ZDHHC8: variants seen among roughly 807,000 people sequenced by gnomAD.
ZDHHC8 encodes palmitoyltransferase ZDHHC8.
In ZDHHC8, 24 loss-of-function variants were observed where a neutral mutation model predicts 61.2. The ratio of observed to expected loss-of-function variants is 0.39; its 90% CI spans 0.28 to 0.55. ZDHHC8 has a LOEUF of 0.55. Among genes scored for constraint, ZDHHC8 ranks in the 20% least tolerant of loss-of-function variants. ZDHHC8 has a pLI of 0.60. For missense variants in ZDHHC8, 935 were observed against 1,102.1 expected, an observed-to-expected ratio of 0.85 and a Z score of 2.15; for synonymous variants, 523 against 492.5, an observed-to-expected ratio of 1.06 and a Z score of -0.82.
chr22:20,143,360 G>T lies in ZDHHC8; in HGVS notation c.1730G>T (p.Gly577Val). The T allele has an allele frequency of 1.3e-6, 2 of 1,585,458 alleles. No homozygotes were observed. The highest frequency in any genetic ancestry group is 1.7e-6 in the Non-Finnish European group (2 of 1,169,264). ...GCCGACTCACTCTTCGGCGACTCAG[G>T]CGTCTATGACGCTCCCAGCTCCTAC... ...SQADSLFGDS[G>V]VYDAPSSYSL... Residue 577 changes from glycine (G) to valine (V), a missense_variant, in exon 10 of 11, where the codon GGC becomes GTC. This residue lies in a region of ZDHHC8 where 692 missense variants were observed against 731.4 expected (regional missense o/e 0.95). Transcript: ENST00000334554.
chr22:20,146,064 T>C lies in ZDHHC8; in HGVS notation c.*664T>C. On this transcript the variant is annotated 3_prime_UTR_variant, in exon 11 of 11. Transcript: ENST00000334554. Reference sequence around the variant, plus strand: ...TGCTGTGCTGCCGCGCCGTGTCTGATGTGTCAGTGCTCCGGCCGCCGCTGT... The same window carrying C: ...TGCTGTGCTGCCGCGCCGTGTCTGACGTGTCAGTGCTCCGGCCGCCGCTGT... 1.0e-6 allele frequency: 1 copy of C among 985,828 alleles called. No homozygotes were observed. Among genetic ancestry groups the C allele is most frequent in the Non-Finnish European group, 1.2e-6 (1 of 829,988 alleles). The allele number at this position is 985,828 out of a possible 1,614,324, so 61.1% of individuals were successfully genotyped here.
rs1196107019 is a variant in ZDHHC8, at chr22:20,141,402, C to T, written c.1016-19C>T. Reference sequence around the variant, plus strand: ...TGACCCTCCTCTGACCTCAGTCTGACAGTGGTCTGCATCCCCAGAGAGTGC... The same window carrying T: ...TGACCCTCCTCTGACCTCAGTCTGATAGTGGTCTGCATCCCCAGAGAGTGC... On this transcript the variant is annotated intron_variant, in intron 8 of 10. Coordinates refer to ENST00000334554, the MANE Select transcript of ZDHHC8 (RefSeq NM_013373.4). 5 of 1,612,366 alleles carry T rather than the reference C, an allele frequency of 3.1e-6. No homozygotes were observed. Among genetic ancestry groups the T allele is most frequent in the Non-Finnish European group, 4.2e-6 (5 of 1,179,454 alleles).
chr22:20,146,829 C>T lies in ZDHHC8; in HGVS notation c.*1429C>T, dbSNP rs1483902688. 4 of 1,246,588 alleles carry T rather than the reference C, an allele frequency of 3.2e-6. No individual in the cohort carries two copies. The African/African-American group carries it at 6.2e-5, about 19-fold the overall frequency. 77.2% of individuals were successfully genotyped at this position (1,246,588 alleles called of 1,614,324 possible). A position where few individuals can be genotyped will look rare whatever the true frequency, so the allele number is the denominator to read the frequency against. On this transcript the variant is annotated 3_prime_UTR_variant, in exon 11 of 11. Coordinates refer to ENST00000334554, the MANE Select transcript of ZDHHC8 (RefSeq NM_013373.4). Reference sequence around the variant, plus strand: ...TTGGCTCAGGGCCCTGTGGGGGCCGCTGAACCTGCTGGAACTCTCCTGCCT... The same window carrying T: ...TTGGCTCAGGGCCCTGTGGGGGCCGTTGAACCTGCTGGAACTCTCCTGCCT...
rs573110410 is a variant in ZDHHC8, at chr22:20,143,338, G to A, written c.1708G>A (p.Asp570Asn). ...ERERLLRSQA[D>N]SLFGDSGVYD... ...TGAGCGCCTGCTGCGCTCCCAGGCCGACTCACTCTTCGGCGACTCAGGCGT... is the reference window on the plus strand; with the variant it reads ...TGAGCGCCTGCTGCGCTCCCAGGCCAACTCACTCTTCGGCGACTCAGGCGT... The change falls in exon 10 of 11, where the codon GAC becomes AAC. Residue 570 changes from aspartate to asparagine, a missense_variant. Transcript: ENST00000334554. 4 of 1,589,294 alleles carry A rather than the reference G, an allele frequency of 2.5e-6. No homozygotes were observed. Among genetic ancestry groups the A allele is most frequent in the African/African-American group, 1.3e-5 (1 of 74,602 alleles).
In ZDHHC8 at chr22:20,142,772, C is replaced by T. The variant is rs1461446029; in HGVS notation, c.1142C>T (p.Ser381Phe). The change falls in exon 10 of 11, where the codon TCC (serine) becomes TTC (phenylalanine). Residue 381 changes from serine (S) to phenylalanine (F), a missense_variant. Physicochemically the swap from Ser to Phe is radical, Grantham distance 155 (BLOSUM62 -2). This residue lies in a region of ZDHHC8 where 692 missense variants were observed against 731.4 expected (regional missense o/e 0.95). Coordinates refer to ENST00000334554, the MANE Select transcript of ZDHHC8 (RefSeq NM_013373.4). ...TCCCTACAGGTTCCAGGCCCTGATT[C>T]CCTGACCCTGGGGGACGACAGCATC... ...GPGEQVPGPD[S>F]LTLGDDSIRS... is the part of the protein sequence containing the mutation. The T allele has an allele frequency of 6.2e-7, 1 of 1,612,620 alleles. No individual in the cohort carries two copies. Among genetic ancestry groups the T allele is most frequent in the Non-Finnish European group, 8.5e-7 (1 of 1,179,950 alleles).
At chr22:20,142,149 C>G (rs190892892) in intron 9 of ZDHHC8, among the ~76,000 whole-genome samples, 5 of 152,186 alleles carry the variant, frequency 3.3e-5, no homozygotes, top group Non-Finnish European at 5.9e-5. Flanking sequence ...GACCTCTCCC[C>G]TCAGGACTGA....
chr22:20,143,385 C>T lies in ZDHHC8; in HGVS notation c.1755C>T (p.Tyr585=), dbSNP rs201435312. ...GCGTCTATGACGCTCCCAGCTCCTA[C>T]AGCCTGCAGCAGGCCAGTGTGCTGT... The part of the protein sequence containing the change: ...DSGVYDAPSS[Y]SLQQASVLSE... The change falls in exon 10 of 11, where the codon TAC becomes TAT. Residue 585 remains tyrosine, a synonymous_variant. Transcript: ENST00000334554. 62 of 1,585,240 alleles carry T rather than the reference C, an allele frequency of 3.9e-5. No homozygotes were observed. The Middle Eastern group carries it at 5.0e-4, about 13-fold the overall frequency.
Position 20,147,106 on chromosome 22 carries a change from C to G in ZDHHC8, c.*1706C>G. ...TGGGCTGCACCTGTGCCACCTTGGCCGCCCGGAGGACCGCCCACCACTGCG... is the reference window on the plus strand; with the variant it reads ...TGGGCTGCACCTGTGCCACCTTGGCGGCCCGGAGGACCGCCCACCACTGCG... On this transcript the variant is annotated 3_prime_UTR_variant, in exon 11 of 11. Coordinates refer to ENST00000334554, the MANE Select transcript of ZDHHC8 (RefSeq NM_013373.4). 3 of 1,532,162 alleles carry G rather than the reference C, an allele frequency of 2.0e-6. No individual in the cohort carries two copies. The highest frequency in any genetic ancestry group is 2.6e-6 in the Non-Finnish European group (3 of 1,140,518). The allele number at this position is 1,532,162 out of a possible 1,614,324, so 94.9% of individuals were successfully genotyped here.
chr22:20,137,654 G>A (rs1349362502), intron 1 of ZDHHC8, among the ~76,000 whole-genome samples: 1 of 152,260 alleles, frequency 6.6e-6, no homozygotes, highest in Non-Finnish European at 1.5e-5. Context: ...CAGAAGGCTC[G>A]TGGAGAGCTC....
rs200408305 is a variant in ZDHHC8 at position 20,139,885 on chromosome 22, A to G, written c.550A>G (p.Thr184Ala). 279 of 1,577,628 alleles carry G rather than the reference A, an allele frequency of 1.8e-4. 1 individual carries two copies. The East Asian group carries it at 6.3e-3, about 36-fold the overall frequency. ...HAEGLGAAHTTITMAVMCVAG... is the reference protein window; with the variant it reads ...HAEGLGAAHTAITMAVMCVAG... The stretch of plus-strand genomic sequence containing the variant: ...TGAGGGGCTGGGAGCCGCGCACACC[A>G]CCATCACGTATCCTTGGTTCCTGTG... Residue 184 changes from threonine to alanine, a missense_variant, in exon 4 of 11, where the codon ACC becomes GCC. Transcript: ENST00000334554.
Position 20,143,364 on chromosome 22 carries a change from CTA to C in ZDHHC8, c.1736_1737del (p.Tyr579Ter), listed in dbSNP as rs2050491836. On this transcript the variant is annotated frameshift_variant, in exon 10 of 11. Transcript: ENST00000334554. LOFTEE classifies it high-confidence loss of function. ...ADSLFGDSGV[Y>X]DAPSSYSLQQ... The stretch of plus-strand genomic sequence containing the variant: ...ACTCACTCTTCGGCGACTCAGGCGT[CTA>C]TGACGCTCCCAGCTCCTACAGCCTG... 1 of 1,584,898 alleles carries C rather than the reference CTA, an allele frequency of 6.3e-7. No individual in the cohort carries two copies. The highest frequency in any genetic ancestry group is 1.1e-5 in the South Asian group (1 of 88,746).
intron 1 of ZDHHC8, among the ~76,000 whole-genome samples, chr22:20,138,131 C>T (rs1246767854): frequency 5.9e-5 from 9 of 152,358 alleles, no homozygotes; most frequent in African/African-American, 1.7e-4. Flanking sequence ...TGGCCACGTG[C>T]GCTGGAGTGG....
At position 20,139,417 on chromosome 22, in the gene ZDHHC8, G is replaced by A. The variant is rs963436354; in HGVS notation, c.227-61G>A. On this transcript the variant is annotated intron_variant, in intron 2 of 10. Transcript: ENST00000334554. ...TCCTGGTGGGTGGGCTGGACTTGGG[G>A]GAGGGATTCACCTGCCAGGAAAGTC... 1.8e-5 allele frequency: 29 copies of A among 1,605,264 alleles called. No individual in the cohort carries two copies. The African/African-American group carries it at 3.3e-4, about 18-fold the overall frequency.
In ZDHHC8 at chr22:20,146,136, C is replaced by T. The variant is rs952591325; in HGVS notation, c.*736C>T. ...CTTTGCTTTATGCTCTTGTGGGAGGCGACGGGGGGGCAGGCGGGAGCAGGC... is the reference window on the plus strand; with the variant it reads ...CTTTGCTTTATGCTCTTGTGGGAGGTGACGGGGGGGCAGGCGGGAGCAGGC... On this transcript the variant is annotated 3_prime_UTR_variant, in exon 11 of 11. Transcript: ENST00000334554. 22 of 985,654 alleles carry T rather than the reference C, an allele frequency of 2.2e-5. No individual in the cohort carries two copies. The highest frequency in any genetic ancestry group is 1.4e-4 in the African/African-American group (8 of 57,344). 61.1% of individuals were successfully genotyped at this position (985,654 alleles called of 1,614,324 possible). A position where few individuals can be genotyped will look rare whatever the true frequency, so the allele number is the denominator to read the frequency against.
intron 1 of ZDHHC8, 98 bp downstream of exon 1, chr22:20,132,149 CG>C (rs936315864): frequency 5.0e-5 from 37 of 744,896 alleles, no homozygotes; most frequent in Non-Finnish European, 5.8e-5. Context: ...GGCGGGGCCC[CG>C]GGCAGTGGGC....
In ZDHHC8 at chr22:20,139,333, G is replaced by A. The variant is rs767974472; in HGVS notation, c.226+18G>A. On this transcript the variant is annotated intron_variant, in intron 2 of 10. Transcript: ENST00000334554. ...CCCCCGAGGTAGGGCCCTGTGCTGCGGCAGCTCCTCTCACTTTCACTAGAG... is the reference window on the plus strand; with the variant it reads ...CCCCCGAGGTAGGGCCCTGTGCTGCAGCAGCTCCTCTCACTTTCACTAGAG... 1.4e-5 allele frequency: 22 copies of A among 1,611,328 alleles called. No homozygotes were observed. In the Middle Eastern group the frequency reaches 1.8e-3, roughly 133 times the overall value.
chr22:20,139,075 C>T (rs1164418849), intron 1 of ZDHHC8, 119 bp from the exon 2 acceptor site: 23 of 1,431,886 alleles, frequency 1.6e-5, no homozygotes, highest in Non-Finnish European at 2.1e-5. Context: ...GCAGCCTCCC[C>T]ACTGCCTCTG....
chr22:20,140,591 G>C, intron 5 of ZDHHC8, 26 bp from the exon 6 acceptor site: 4 of 1,574,814 alleles, frequency 2.5e-6, no homozygotes, highest in Non-Finnish European at 3.4e-6. Flanking sequence ...GGGAGGCCAG[G>C]CTGGCTGAGG....
At position 20,145,336 on chromosome 22, in the gene ZDHHC8, C is replaced by A. The variant is rs369281704; in HGVS notation, c.2234C>A (p.Thr745Lys). The change falls in exon 11 of 11, where the codon ACA (threonine) becomes AAA (lysine). Residue 745 changes from threonine to lysine, a missense_variant. By Grantham distance (78) the Thr-to-Lys change is moderately conservative. Around this residue, in one of 3 missense-constraint regions of ZDHHC8, gnomAD observed 692 missense variants for 731.4 expected, o/e 0.95. Coordinates refer to ENST00000334554, the MANE Select transcript of ZDHHC8 (RefSeq NM_013373.4). The part of the protein sequence containing the change: ...TGPPGPSASP[T>K]RHTLVKKVSG... ...CCCCCAGGGCCCTCTGCCAGCCCTA[C>A]ACGGCACACGCTGGTTAAGAAGGTG... 13 of 1,597,304 alleles carry A rather than the reference C, an allele frequency of 8.1e-6. No homozygotes were observed. The highest frequency in any genetic ancestry group is 1.0e-5 in the Non-Finnish European group (12 of 1,173,240).
Sources: allele counts gnomAD v4.1 joint callset (sites outside exome capture counted in the v4.1 genomes callset), GRCh38; gene constraint gnomAD v4.1.1; regional missense constraint gnomAD v4.1.1; transcripts MANE v1.5; gene names NCBI Gene and HGNC (gene_info 2026-07-23, HGNC 2026-07-21).